LINGO2: variants seen among roughly 807,000 people sequenced by gnomAD.
LINGO2 encodes leucine-rich repeat and immunoglobulin-like domain-containing nogo receptor-interacting protein 2.
A neutral mutation model predicts 30.6 loss-of-function variants in LINGO2; 14 were observed. The ratio of observed to expected loss-of-function variants is 0.46; its 90% confidence interval spans 0.30 to 0.72. The LOEUF is 0.72. Among genes scored for constraint, LINGO2 ranks in the 30% least tolerant of loss-of-function variants. The pLI is 0.07. For synonymous variants in LINGO2, 317 were observed against 288.5 expected, an observed-to-expected ratio of 1.10 and a Z score of -1.00; for missense variants, 729 against 751.7, an observed-to-expected ratio of 0.97 and a Z score of 0.35.
chr9:28,689,746 T>C, the LINGO2 span, among the ~76,000 whole-genome samples: 2 of 152,122 alleles, frequency 1.3e-5, no homozygotes, highest in Non-Finnish European at 2.9e-5. Flanking sequence ...ATTATAAAGA[T>C]ACATGCATGT....
the LINGO2 span, among the ~76,000 whole-genome samples, chr9:28,830,295 T>A: frequency 6.6e-6 from 1 of 152,156 alleles, no homozygotes; most frequent in African/African-American, 2.4e-5. Flanking sequence ...GACAGTCATA[T>A]GGAACTACAG....
chr9:28,134,797 A>G (rs1209122891), intron 4 of LINGO2, among the ~76,000 whole-genome samples: 1 of 152,242 alleles, frequency 6.6e-6, no homozygotes, highest in African/African-American at 2.4e-5. Flanking sequence ...ATTGCCTTGG[A>G]CAACAGAGCC....
the LINGO2 span, among the ~76,000 whole-genome samples, chr9:29,200,866 A>T: frequency 6.6e-6 from 1 of 152,014 alleles, no homozygotes; most frequent in Non-Finnish European, 1.5e-5. Flanking sequence ...AGTTTTGAGG[A>T]GTACTGATCA....
At chr9:28,057,872 C>G (rs1372589291) in intron 4 of LINGO2, among the ~76,000 whole-genome samples, 2 of 152,010 alleles carry the variant, frequency 1.3e-5, no homozygotes, top group African/African-American at 2.4e-5. Flanking sequence ...GAAATCAGCT[C>G]AAGCGTTGTC....
At chr9:28,967,428 G>A in the LINGO2 span, among the ~76,000 whole-genome samples, 1 of 152,140 alleles carries the variant, frequency 6.6e-6, no homozygotes, top group African/African-American at 2.4e-5. Flanking sequence ...GAAAACTGAA[G>A]CAGAAGGAAA....
chr9:28,151,695 A>G (rs1371766103), intron 4 of LINGO2, among the ~76,000 whole-genome samples: 1 of 151,952 alleles, frequency 6.6e-6, no homozygotes, highest in Non-Finnish European at 1.5e-5. Context: ...AAATAAAATT[A>G]AAATTAATAA....
chr9:28,089,384 T>A (rs1177143045), intron 4 of LINGO2, among the ~76,000 whole-genome samples: 4 of 152,120 alleles, frequency 2.6e-5, no homozygotes, highest in Non-Finnish European at 2.9e-5. Context: ...CACAGTGCAA[T>A]CAAACTAGAA....
the LINGO2 span, among the ~76,000 whole-genome samples, chr9:29,110,582 TCG>T: frequency 1.3e-5 from 2 of 152,120 alleles, no homozygotes; most frequent in South Asian, 2.1e-4. Context: ...TCCGCCCGCC[TCG>T]GGGCCTCCCA....
At chr9:28,295,163 C>T (rs1424014606) in intron 4 of LINGO2, 45 bp downstream of exon 6, 2 of 152,434 alleles carry the variant, frequency 1.3e-5, no homozygotes, top group Non-Finnish European at 2.9e-5. Flanking sequence ...TACTGAAGCC[C>T]TTAGAGCAAG....
chr9:28,342,412 C>T (rs897464116), intron 3 of LINGO2, among the ~76,000 whole-genome samples: 10 of 152,120 alleles, frequency 6.6e-5, no homozygotes, highest in South Asian at 2.1e-4. Flanking sequence ...TGTCCACCCG[C>T]AATTATGGAG....
chr9:28,007,012 C>A (rs1168730750), intron 5 of LINGO2, among the ~76,000 whole-genome samples: 2 of 152,138 alleles, frequency 1.3e-5, no homozygotes, highest in Non-Finnish European at 2.9e-5. Flanking sequence ...CCAATCTGGA[C>A]CCTTGTGACT....
intron 4 of LINGO2, among the ~76,000 whole-genome samples, chr9:28,118,552 A>G (rs530165529): frequency 6.6e-6 from 1 of 152,252 alleles, no homozygotes; most frequent in Non-Finnish European, 1.5e-5. Context: ...GAGGAATGAG[A>G]AAGCTTGAGA....
At chr9:28,799,806 C>G in the LINGO2 span, among the ~76,000 whole-genome samples, 1 of 152,078 alleles carries the variant, frequency 6.6e-6, no homozygotes, top group East Asian at 1.9e-4. Context: ...TTATCATCAT[C>G]ATACTCATCA....
intron 4 of LINGO2, among the ~76,000 whole-genome samples, chr9:28,224,525 T>C (rs940804192): frequency 2.0e-5 from 3 of 152,190 alleles, no homozygotes; most frequent in South Asian, 4.1e-4. Flanking sequence ...TGGAGAATTA[T>C]CTTACAGCTG....
At chr9:29,180,912 T>C in the LINGO2 span, among the ~76,000 whole-genome samples, 2 of 152,120 alleles carry the variant, frequency 1.3e-5, no homozygotes, top group African/African-American at 4.8e-5. Flanking sequence ...AAACAAAATT[T>C]CTCAGAGAGG....
intron 1 of LINGO2, among the ~76,000 whole-genome samples, chr9:28,644,034 C>T (rs184925924): frequency 6.6e-6 from 1 of 151,946 alleles, no homozygotes; most frequent in South Asian, 2.1e-4. Context: ...TAGGCAATAA[C>T]AAATGCTGAT....
At chr9:28,141,759 CA>C (rs879459416) in intron 4 of LINGO2, among the ~76,000 whole-genome samples, 2 of 151,886 alleles carry the variant, frequency 1.3e-5, no homozygotes, top group Non-Finnish European at 2.9e-5. Flanking sequence ...TAGTGAGATA[CA>C]AAAAAATTAG....
rs554610150 is a variant in LINGO2 at position 28,281,118 on chromosome 9, G to A, written c.-87+14090C>T. 6.6e-5 allele frequency among the ~76,000 whole-genome samples: 10 copies of A among 152,208 alleles called. No individual in the cohort carries two copies. The South Asian group carries it at 2.1e-3, about 32-fold the overall frequency. The stretch of plus-strand genomic sequence containing the variant: ...CTTTTTAAACACAGGGAGAGTTACT[G>A]GAAAAGAAGGTAAGGTGAATGCAGA... On this transcript the variant is annotated intron_variant, in intron 4 of 5. Coordinates refer to ENST00000379992, the Ensembl canonical transcript of LINGO2.
chr9:28,193,367 G>A (rs912320868), intron 4 of LINGO2, among the ~76,000 whole-genome samples: 1 of 152,032 alleles, frequency 6.6e-6, no homozygotes, highest in Non-Finnish European at 1.5e-5. Context: ...ACTGACAAGT[G>A]AAATTAATTT....
Sources: gnomAD v4.1 joint callset for allele counts (sites outside exome capture counted in the v4.1 genomes callset) on GRCh38, gnomAD v4.1.1 for gene constraint, MANE v1.5 for transcripts, NCBI Gene and HGNC (gene_info 2026-07-23, HGNC 2026-07-21) for gene names.